The following CDH1 variants were observed in gnomAD, a reference collection of about 807,000 sequenced individuals.
CDH1 encodes cadherin 1.
A neutral mutation model predicts 84.5 loss-of-function variants in CDH1; 35 were observed. That is an observed-to-expected ratio of 0.41 (90% CI 0.32 to 0.55). CDH1 has a LOEUF of 0.55. Among genes scored for constraint, CDH1 ranks in the 20% least tolerant of loss-of-function variants. The pLI is 0.19. For missense variants in CDH1, 994 were observed against 1,126.6 expected (o/e 0.88, Z 1.68); for synonymous variants, 417 against 439.0 (o/e 0.95, Z 0.63).
At chr16:68,782,790 C>T (rs1358078658) in intron 2 of CDH1, among the ~76,000 whole-genome samples, 1 of 152,116 alleles carries the variant, frequency 6.6e-6, no homozygotes, top group Non-Finnish European at 1.5e-5. Flanking sequence ...TGCCCCTCAC[C>T]CCACACAGGG....
chr16:68,815,095 CG>C (rs1382109209), intron 9 of CDH1, among the ~76,000 whole-genome samples: 2 of 151,684 alleles, frequency 1.3e-5, no homozygotes, highest in African/African-American at 4.8e-5. Flanking sequence ...GGTGTGGTGG[CG>C]GGCTCCTGTA....
chr16:68,819,441 C>T lies in CDH1; in HGVS notation c.1711+16C>T. Reference sequence around the variant, plus strand: ...ACAGACAATGGTAAGGGGGCCTCATCTGAGCCTTTGCTGCCTCGACCTCCT... The same window carrying T: ...ACAGACAATGGTAAGGGGGCCTCATTTGAGCCTTTGCTGCCTCGACCTCCT... On this transcript the variant is annotated intron_variant, in intron 11 of 15. Transcript: ENST00000261769. The T allele has an allele frequency of 6.2e-7, 1 of 1,612,734 alleles. No homozygotes were observed. Among genetic ancestry groups the T allele is most frequent in the Non-Finnish European group, 8.5e-7 (1 of 1,179,814 alleles).
At position 68,829,943 on chromosome 16, in the gene CDH1, CTTTTT is replaced by C. The variant is rs869244167; in HGVS notation, c.2439+151_2439+155del. ...GCCCTGGAGCCCTGTTTTCCTTTTT[CTTTTT>C]TTTTCTTTTTCTTTTTTTTTTTTTT... On this transcript the variant is annotated intron_variant, in intron 15 of 15. Coordinates refer to ENST00000261769, the MANE Select transcript of CDH1 (RefSeq NM_004360.5). 185 of 615,064 alleles carry C rather than the reference CTTTTT, an allele frequency of 3.0e-4. 2 individuals carry two copies. The East Asian group carries it at 6.1e-3, about 20-fold the overall frequency. 38.1% of individuals were successfully genotyped at this position (615,064 alleles called of 1,614,324 possible).
intron 10 of CDH1, among the ~76,000 whole-genome samples, chr16:68,818,711 G>T (rs1596959474): frequency 6.6e-6 from 1 of 151,142 alleles, no homozygotes; most frequent in South Asian, 2.1e-4. Context: ...TTAGCCGGGC[G>T]TGATGGCGGG....
rs780547331 is a variant in CDH1 at position 68,738,282 on chromosome 16, T to C, written c.49-15T>C. 2 of 1,516,918 alleles carry C rather than the reference T, an allele frequency of 1.3e-6. No homozygotes were observed. The highest frequency in any genetic ancestry group is 2.4e-5 in the South Asian group (2 of 83,262). The allele number at this position is 1,516,918 out of a possible 1,614,324, so 94.0% of individuals were successfully genotyped here. A position where few individuals can be genotyped will look rare whatever the true frequency, so the allele number is the denominator to read the frequency against. ...TCCGAGTCACCCGGTTCCATCTACC[T>C]TTCCCCCACCCCAGGTCTCCTCTTG... is the stretch of plus-strand genomic sequence containing the variant. On this transcript the variant is annotated splice_polypyrimidine_tract_variant and intron_variant, in intron 1 of 15. Coordinates refer to ENST00000261769, the MANE Select transcript of CDH1 (RefSeq NM_004360.5).
intron 2 of CDH1, among the ~76,000 whole-genome samples, chr16:68,793,930 CAAAA>C (rs35590027): frequency 3.5e-5 from 3 of 86,472 alleles, no homozygotes; most frequent in African/African-American, 4.1e-5. Context: ...GACTCTGTCT[CAAAA>C]AAAAAAAAAA....
At chr16:68,764,575 C>CAAAAT (rs752843824) in intron 2 of CDH1, among the ~76,000 whole-genome samples, 20 of 152,074 alleles carry the variant, frequency 1.3e-4, no homozygotes, top group Admixed American at 1.0e-3. Flanking sequence ...GACTCCATCT[C>CAAAAT]AAAATAAAAT....
intron 10 of CDH1, among the ~76,000 whole-genome samples, chr16:68,816,632 C>A (rs1960993443): frequency 6.6e-6 from 1 of 152,120 alleles, no homozygotes; most frequent in African/African-American, 2.4e-5. Flanking sequence ...ACCTGTAATC[C>A]CAGCTACTCG....
intron 12 of CDH1, 36 bp from the exon 13 acceptor site, chr16:68,823,363 C>T: frequency 7.0e-7 from 1 of 1,431,998 alleles, no homozygotes; most frequent in Non-Finnish European, 9.8e-7. Flanking sequence ...ATTTTCCTCC[C>T]CTGGTCTCAT....
intron 13 of CDH1, among the ~76,000 whole-genome samples, chr16:68,827,454 AGTTAAAT>A (rs1961350451): frequency 6.6e-6 from 1 of 151,730 alleles, no homozygotes; most frequent in African/African-American, 2.4e-5. Flanking sequence ...TTTTTTTTAA[AGTTAAAT>A]GTTAATTGTG....
In CDH1 at chr16:68,819,416, A is replaced by G. The variant is rs1060501242; in HGVS notation, c.1702A>G (p.Thr568Ala). 1 of 1,613,542 alleles carries G rather than the reference A, an allele frequency of 6.2e-7. No homozygotes were observed. The highest frequency in any genetic ancestry group is 8.5e-7 in the Non-Finnish European group (1 of 1,180,018). The change falls in exon 11 of 16, where the codon ACA becomes GCA. Residue 568 changes from threonine to alanine, a missense_variant. By Grantham distance (58) the Thr-to-Ala change is moderately conservative. Coordinates refer to ENST00000261769, the MANE Select transcript of CDH1 (RefSeq NM_004360.5). Reference protein sequence around the residue: ...NSTYTALIIATDNGSPVATGT... With the variant: ...NSTYTALIIAADNGSPVATGT... ...CACGTACACAGCCCTAATCATAGCTACAGACAATGGTAAGGGGGCCTCATC... is the reference window on the plus strand; with the variant it reads ...CACGTACACAGCCCTAATCATAGCTGCAGACAATGGTAAGGGGGCCTCATC...
At chr16:68,762,995 G>A (rs1037459592) in intron 2 of CDH1, among the ~76,000 whole-genome samples, 1 of 148,002 alleles carries the variant, frequency 6.8e-6, no homozygotes, top group Non-Finnish European at 1.5e-5. Context: ...TTTTTAAACA[G>A]TAAGGGACCT....
chr16:68,789,665 C>A (rs1169788029), intron 2 of CDH1, among the ~76,000 whole-genome samples: 4 of 152,146 alleles, frequency 2.6e-5, no homozygotes, highest in Admixed American at 2.6e-4. Flanking sequence ...TTTTCATCAC[C>A]TCCAGAAGAA....
chr16:68,782,196 T>G (rs1000286096), intron 2 of CDH1, among the ~76,000 whole-genome samples: 35 of 152,170 alleles, frequency 2.3e-4, no homozygotes, highest in African/African-American at 8.2e-4. Flanking sequence ...TGGCCAATCC[T>G]GAGGGCGTGG....
chr16:68,809,459 C>G (rs891937126), intron 5 of CDH1, among the ~76,000 whole-genome samples: 1 of 152,144 alleles, frequency 6.6e-6, no homozygotes, highest in African/African-American at 2.4e-5. Flanking sequence ...TACTTGGCCT[C>G]CCAAAGTGCT....
chr16:68,817,049 G>A (rs540004626), intron 10 of CDH1, among the ~76,000 whole-genome samples: 13 of 152,278 alleles, frequency 8.5e-5, no homozygotes, highest in East Asian at 1.9e-4. Flanking sequence ...AGGCCCTTAC[G>A]CCTGGAACAA....
chr16:68,767,552 C>G (rs886785640), intron 2 of CDH1, among the ~76,000 whole-genome samples: 1 of 152,168 alleles, frequency 6.6e-6, no homozygotes, highest in Admixed American at 6.6e-5. Context: ...GATGGGGATT[C>G]TCTTTCTCAT....
At chr16:68,757,019 A>G (rs1963033747) in intron 2 of CDH1, among the ~76,000 whole-genome samples, 1 of 152,058 alleles carries the variant, frequency 6.6e-6, no homozygotes, top group African/African-American at 2.4e-5. Flanking sequence ...AAAAAACAAA[A>G]CAAAACAAAG....
intron 2 of CDH1, among the ~76,000 whole-genome samples, chr16:68,785,063 A>G (rs1960005868): frequency 6.6e-6 from 1 of 151,848 alleles, no homozygotes; most frequent in South Asian, 2.1e-4. Context: ...GAAAAGTTCT[A>G]CTCCCACCCT....
Sources: gnomAD v4.1 joint callset for allele counts (sites outside exome capture counted in the v4.1 genomes callset) on GRCh38, gnomAD v4.1.1 for gene constraint, MANE v1.5 for transcripts, NCBI Gene and HGNC (gene_info 2026-07-23, HGNC 2026-07-21) for gene names.